The following VDAC1 variants were observed in gnomAD, a reference collection of about 807,000 sequenced individuals.
VDAC1 encodes the protein voltage dependent anion channel 1, also known as non-selective voltage-gated ion channel VDAC1.
A neutral mutation model predicts 34.7 loss-of-function variants in VDAC1; 10 were observed. That is an observed-to-expected ratio of 0.29 (90% CI 0.18 to 0.49). The LOEUF (loss-of-function observed/expected upper bound fraction) is 0.49, where lower values mean the gene tolerates loss of function less well. Ranked by LOEUF, VDAC1 falls within the 20% of genes least tolerant of loss-of-function variation. VDAC1 has a pLI of 0.99. For synonymous variants in VDAC1, 130 were observed against 136.0 expected (o/e 0.96, Z 0.30); for missense variants, 230 against 347.9 (o/e 0.66, Z 2.69).
chr5:134,039,567 G>C, the VDAC1 span, among the ~76,000 whole-genome samples: 5 of 152,098 alleles, frequency 3.3e-5, no homozygotes, highest in East Asian at 1.9e-4. Context: ...CTGACCTCGT[G>C]ATCCGCCCGC....
At chr5:134,108,473 T>C in the VDAC1 span, among the ~76,000 whole-genome samples, 1 of 152,046 alleles carries the variant, frequency 6.6e-6, no homozygotes, top group African/African-American at 2.4e-5. Flanking sequence ...CCTCTTCAAA[T>C]TTACCCTGCC....
chr5:133,984,841 CA>C (rs1752847606), intron 5 of VDAC1, among the ~76,000 whole-genome samples: 1 of 152,090 alleles, frequency 6.6e-6, no homozygotes, highest in African/African-American at 2.4e-5. Context: ...GAGGCTGAGG[CA>C]GAAGAATCGC....
At chr5:134,018,364 T>A in the VDAC1 span, among the ~76,000 whole-genome samples, 2 of 152,262 alleles carry the variant, frequency 1.3e-5, no homozygotes, top group Non-Finnish European at 2.9e-5. Context: ...TCACGAGGGA[T>A]CTGCCCCCAT....
the VDAC1 span, among the ~76,000 whole-genome samples, chr5:134,041,895 C>T: frequency 6.6e-6 from 1 of 152,200 alleles, no homozygotes; most frequent in Non-Finnish European, 1.5e-5. Flanking sequence ...CCTGGCCACC[C>T]TCGAAGCTCC....
the VDAC1 span, among the ~76,000 whole-genome samples, chr5:134,101,203 C>A: frequency 6.6e-6 from 1 of 152,220 alleles, no homozygotes; most frequent in Non-Finnish European, 1.5e-5. Context: ...GCTTCAAATC[C>A]TGCTCCTCTC....
At chr5:133,986,070 T>C (rs1752894847) in intron 5 of VDAC1, among the ~76,000 whole-genome samples, 1 of 152,248 alleles carries the variant, frequency 6.6e-6, no homozygotes, top group Non-Finnish European at 1.5e-5. Context: ...GGAGTCTTCC[T>C]CTTTCAGATA....
chr5:134,025,031 C>T, the VDAC1 span, among the ~76,000 whole-genome samples: 1 of 152,232 alleles, frequency 6.6e-6, no homozygotes, highest in Admixed American at 6.5e-5. Context: ...CAAGCCACTG[C>T]CCTGTCCCAG....
chr5:134,065,337 A>ATTTTTTTTTTT, the VDAC1 span, among the ~76,000 whole-genome samples: 1 of 101,386 alleles, frequency 9.9e-6, no homozygotes, highest in Non-Finnish European at 2.0e-5. Flanking sequence ...TTTAATTTTA[A>ATTTTTTTTTTT]TTTTTTTTTT....
At chr5:134,049,489 C>T in the VDAC1 span, among the ~76,000 whole-genome samples, 2 of 152,096 alleles carry the variant, frequency 1.3e-5, no homozygotes, top group South Asian at 4.1e-4. Flanking sequence ...GATGCATAAC[C>T]CAACTCCATA....
Position 133,990,839 on chromosome 5 carries a change from C to T in VDAC1, c.323+16G>A. 6.5e-7 allele frequency: 1 copy of T among 1,526,974 alleles called. No homozygotes were observed. The highest frequency in any genetic ancestry group is 8.8e-7 in the Non-Finnish European group (1 of 1,138,020). The allele number at this position is 1,526,974 out of a possible 1,614,324, so 94.6% of individuals were successfully genotyped here. On this transcript the variant is annotated intron_variant, in intron 5 of 8. Transcript: ENST00000265333. ...TCAGAGAACATCCTTGTGGAGAAAA[C>T]AGATGAAACTCTTACCCAGTGTTAG...
the VDAC1 span, among the ~76,000 whole-genome samples, chr5:134,103,280 C>T: frequency 3.3e-4 from 50 of 152,300 alleles, no homozygotes; most frequent in Admixed American, 1.2e-3. Flanking sequence ...TACCATCACA[C>T]CTGGCTAACT....
At chr5:134,007,440 ATAGTAT>A (rs567452149), upstream of VDAC1, among the ~76,000 whole-genome samples, 29 of 152,204 alleles carry the variant, frequency 1.9e-4, no homozygotes, top group Admixed American at 1.2e-3. Context: ...GTCTCAAGAA[ATAGTAT>A]TAGTAATTTT....
chr5:134,023,773 T>A, the VDAC1 span, among the ~76,000 whole-genome samples: 1 of 151,954 alleles, frequency 6.6e-6, no homozygotes, highest in African/African-American at 2.4e-5. Flanking sequence ...AGAGTGGGCA[T>A]AAGGGATGAG....
chr5:134,089,718 A>G, the VDAC1 span, among the ~76,000 whole-genome samples: 4 of 151,178 alleles, frequency 2.6e-5, no homozygotes, highest in Admixed American at 1.3e-4. Flanking sequence ...GGCTGGGTGC[A>G]GTGGCTCATG....
At chr5:134,110,296 G>A in the VDAC1 span, among the ~76,000 whole-genome samples, 6 of 152,280 alleles carry the variant, frequency 3.9e-5, no homozygotes, top group South Asian at 2.1e-4. Flanking sequence ...TATGAAGTCC[G>A]AGGGATGGAG....
chr5:134,003,714 T>C (rs906980294), intron 1 of VDAC1, among the ~76,000 whole-genome samples: 2 of 152,252 alleles, frequency 1.3e-5, no homozygotes, highest in Non-Finnish European at 1.5e-5. Flanking sequence ...ACACCGGCAC[T>C]GTTCTAAAGG....
chr5:134,014,725 G>A, the VDAC1 span, among the ~76,000 whole-genome samples: 2 of 152,218 alleles, frequency 1.3e-5, no homozygotes, highest in Middle Eastern at 3.4e-3. Flanking sequence ...AATTAGCCGG[G>A]CATGGTGGTA....
At chr5:134,113,737 GAATCC>G in the VDAC1 span, among the ~76,000 whole-genome samples, 1 of 152,270 alleles carries the variant, frequency 6.6e-6, no homozygotes, top group Non-Finnish European at 1.5e-5. Context: ...AGATGCGCTG[GAATCC>G]AGGCACTTTC....
At chr5:134,000,836 T>C (rs917623415) in intron 1 of VDAC1, among the ~76,000 whole-genome samples, 1 of 152,196 alleles carries the variant, frequency 6.6e-6, no homozygotes, top group African/African-American at 2.4e-5. Context: ...TGTATATTTA[T>C]TATAATAATG....
Sources: gnomAD v4.1 joint callset for allele counts (sites outside exome capture counted in the v4.1 genomes callset) on GRCh38, gnomAD v4.1.1 for gene constraint, MANE v1.5 for transcripts, NCBI Gene and HGNC (gene_info 2026-07-23, HGNC 2026-07-21) for gene names.